Variants in GRIN2B observed in about 807,000 individuals in gnomAD.
GRIN2B encodes the protein glutamate receptor ionotropic, NMDA 2B.
GRIN2B carries 5 observed loss-of-function variants against 114.5 expected under a neutral mutation model. The observed-to-expected ratio is 0.04, with a 90% CI of 0.02 to 0.09. The LOEUF is 0.09. Ranked by LOEUF, GRIN2B falls within the 10% of genes least tolerant of loss-of-function variation. The probability of loss-of-function intolerance (pLI) is 1.00; values close to 1 mark genes in which losing one functional copy is unlikely to be tolerated. For missense variants in GRIN2B, 1,108 were observed against 1,943.5 expected, an observed-to-expected ratio of 0.57 and a Z score of 8.08; for synonymous variants, 787 against 745.1, an observed-to-expected ratio of 1.06 and a Z score of -0.92.
At chr12:13,707,915 G>C (rs1442333421) in intron 4 of GRIN2B, among the ~76,000 whole-genome samples, 1 of 152,068 alleles carries the variant, frequency 6.6e-6, no homozygotes, top group African/African-American at 2.4e-5. Context: ...ACAGGCACAG[G>C]CTCCTAGGTC....
At chr12:13,872,009 C>T (rs182682539) in intron 2 of GRIN2B, among the ~76,000 whole-genome samples, 31 of 151,750 alleles carry the variant, frequency 2.0e-4, no homozygotes, top group African/African-American at 7.5e-4. Context: ...CCCACCTCTG[C>T]CAAAATAAAA....
chr12:13,710,844 A>G (rs1950407329), intron 4 of GRIN2B, among the ~76,000 whole-genome samples: 2 of 152,128 alleles, frequency 1.3e-5, no homozygotes, highest in South Asian at 4.1e-4. Context: ...TCAAGCTACC[A>G]ATGACTTTCT....
chr12:13,706,512 T>G (rs774150442), intron 4 of GRIN2B, among the ~76,000 whole-genome samples: 3 of 152,116 alleles, frequency 2.0e-5, no homozygotes, highest in Non-Finnish European at 4.4e-5. Context: ...GACACCGACA[T>G]GCCTCCCATA....
chr12:13,833,066 C>A (rs967848894), intron 3 of GRIN2B, among the ~76,000 whole-genome samples: 9 of 152,142 alleles, frequency 5.9e-5, no homozygotes, highest in African/African-American at 2.2e-4. Context: ...TACAAATGTT[C>A]ATTGTTAAAG....
At chr12:13,950,058 A>G (rs1867451897) in intron 2 of GRIN2B, among the ~76,000 whole-genome samples, 2 of 152,180 alleles carry the variant, frequency 1.3e-5, no homozygotes, top group Non-Finnish European at 2.9e-5. Context: ...CAACCAGAGG[A>G]AAAAGAAAAG....
intron 2 of GRIN2B, among the ~76,000 whole-genome samples, chr12:13,970,686 AACAC>A (rs5796570): frequency 0.17 from 25,212 of 144,952 alleles, 2,417 homozygotes; most frequent in Non-Finnish European, 0.21. Flanking sequence ...GCAGGCTCTA[AACAC>A]ACACACACAC....
chr12:13,693,089 A>G (rs1433543075), intron 4 of GRIN2B, among the ~76,000 whole-genome samples: 3 of 152,066 alleles, frequency 2.0e-5, no homozygotes, highest in African/African-American at 7.2e-5. Flanking sequence ...TTAAGTATAC[A>G]TATAGCTCAC....
chr12:13,562,939 G>T lies in GRIN2B; in HGVS notation c.4299C>A (p.Ala1433=), dbSNP rs745715225. ...ALVTNKPVVS[A]LHGAVPARFQ... ...AACGGGCTGGCACGGCCCCATGAAGGGCCGAGACCACCGGCTTGTTGGTGA... is the reference window on the plus strand; with the variant it reads ...AACGGGCTGGCACGGCCCCATGAAGTGCCGAGACCACCGGCTTGTTGGTGA... The change falls in exon 14 of 14, where the codon GCC becomes GCA. Residue 1433 remains alanine (A), a synonymous_variant. Coordinates refer to ENST00000609686, the MANE Select transcript of GRIN2B (RefSeq NM_000834.5). The T allele has an allele frequency of 6.2e-7, 1 of 1,614,020 alleles. No individual in the cohort carries two copies. The highest frequency in any genetic ancestry group is 8.5e-7 in the Non-Finnish European group (1 of 1,180,022).
chr12:13,943,604 C>A (rs1341883422), intron 2 of GRIN2B, among the ~76,000 whole-genome samples: 7 of 152,162 alleles, frequency 4.6e-5, no homozygotes, highest in Admixed American at 2.6e-4. Flanking sequence ...TTTTCTTTAA[C>A]AAACATGTAC....
At chr12:13,656,014 G>A (rs1316399794) in intron 5 of GRIN2B, among the ~76,000 whole-genome samples, 2 of 151,920 alleles carry the variant, frequency 1.3e-5, no homozygotes, top group Non-Finnish European at 2.9e-5. Context: ...TTCTCCTGTA[G>A]TGTTTTTCTT....
At chr12:13,838,535 G>A (rs565363506) in intron 3 of GRIN2B, among the ~76,000 whole-genome samples, 34 of 151,986 alleles carry the variant, frequency 2.2e-4, no homozygotes, top group African/African-American at 6.3e-4. Flanking sequence ...TGATTACAGC[G>A]CCAACCTTCT....
chr12:13,876,077 GA>G (rs1865987128), intron 2 of GRIN2B, among the ~76,000 whole-genome samples: 1 of 152,200 alleles, frequency 6.6e-6, no homozygotes, highest in Non-Finnish European at 1.5e-5. Context: ...AAATAGTAGT[GA>G]AAACGGCAGA....
At chr12:13,588,470 G>A (rs1002529061) in intron 10 of GRIN2B, among the ~76,000 whole-genome samples, 1 of 152,140 alleles carries the variant, frequency 6.6e-6, no homozygotes, top group Non-Finnish European at 1.5e-5. Flanking sequence ...TGGATTGGAT[G>A]GATGGCTACT....
rs1948407891 is a variant in GRIN2B at position 13,551,188 on chromosome 12, G to C, written c.*11595C>G. 6.6e-6 allele frequency: 1 copy of C among 152,072 alleles called. No homozygotes were observed. Among genetic ancestry groups the C allele is most frequent in the African/African-American group, 2.4e-5 (1 of 41,404 alleles). 9.4% of individuals were successfully genotyped at this position (152,072 alleles called of 1,614,324 possible). On this transcript the variant is annotated 3_prime_UTR_variant, in exon 14 of 14. Transcript: ENST00000609686. ...GAAGGCATTTATCCCTATTCCTTGAGAATAGGGATTCTCAAGGAATTCTCC... is the reference window on the plus strand; with the variant it reads ...GAAGGCATTTATCCCTATTCCTTGACAATAGGGATTCTCAAGGAATTCTCC...
intron 5 of GRIN2B, among the ~76,000 whole-genome samples, chr12:13,639,808 C>T (rs1001939795): frequency 2.0e-4 from 30 of 151,932 alleles, no homozygotes; most frequent in African/African-American, 2.4e-5. Context: ...CTTTTCTTCT[C>T]TCCTTCCTCT....
At chr12:13,600,480 G>A (rs561025193) in intron 10 of GRIN2B, among the ~76,000 whole-genome samples, 2 of 150,602 alleles carry the variant, frequency 1.3e-5, no homozygotes, top group African/African-American at 2.4e-5. Context: ...AGTCTTGGAG[G>A]GTAGGGATGT....
chr12:13,735,641 T>C (rs2136609598), intron 4 of GRIN2B, among the ~76,000 whole-genome samples: 1 of 152,360 alleles, frequency 6.6e-6, no homozygotes, highest in Non-Finnish European at 1.5e-5. Flanking sequence ...GCCAATGCAA[T>C]GCATGCTGGC....
chr12:13,597,815 C>T (rs1001866192), intron 10 of GRIN2B, among the ~76,000 whole-genome samples: 13 of 152,178 alleles, frequency 8.5e-5, no homozygotes, highest in African/African-American at 1.9e-4. Flanking sequence ...GACCCTCCAT[C>T]GGTAACAGTA....
intron 4 of GRIN2B, among the ~76,000 whole-genome samples, chr12:13,706,987 A>G (rs1341825341): frequency 2.0e-5 from 3 of 152,080 alleles, no homozygotes; most frequent in Non-Finnish European, 4.4e-5. Context: ...TAGAGAGGCA[A>G]TGAGGTTTTC....
Sources: gnomAD v4.1 joint callset for allele counts (sites outside exome capture counted in the v4.1 genomes callset) on GRCh38, gnomAD v4.1.1 for gene constraint, MANE v1.5 for transcripts, NCBI Gene and HGNC (gene_info 2026-07-23, HGNC 2026-07-21) for gene names.